SUDS3: variants seen among roughly 807,000 people sequenced by gnomAD.
The protein encoded by SUDS3 is SIN3A corepressor complex component SDS3.
A neutral mutation model predicts 53.5 loss-of-function variants in SUDS3; 23 were observed. The ratio of observed to expected loss-of-function variants is 0.43; its 90% CI spans 0.31 to 0.61. SUDS3 has a LOEUF of 0.61. SUDS3 is among the 20% of genes least tolerant of loss of function. The pLI is 0.10. For missense variants in SUDS3, 291 were observed against 405.9 expected, an observed-to-expected ratio of 0.72 and a Z score of 2.43; for synonymous variants, 150 against 148.5, an observed-to-expected ratio of 1.01 and a Z score of -0.08.
chr12:118,415,771 C>A lies in SUDS3; in HGVS notation c.*1338C>A, dbSNP rs1266829802. The A allele has an allele frequency of 6.7e-6, 1 of 149,646 alleles. No homozygotes were observed. The highest frequency in any genetic ancestry group is 2.4e-5 in the African/African-American group (1 of 41,288). The allele number at this position is 149,646 out of a possible 1,614,324, so 9.3% of individuals were successfully genotyped here. A position where few individuals can be genotyped will look rare whatever the true frequency, so the allele number is the denominator to read the frequency against. Reference sequence around the variant, plus strand: ...TCATGTTGTCTCTTGATGTACATACCCCCAAGCAAGTTGGGGGGACTGTGA... The same window carrying A: ...TCATGTTGTCTCTTGATGTACATACACCCAAGCAAGTTGGGGGGACTGTGA... On this transcript the variant is annotated 3_prime_UTR_variant, in exon 12 of 12. Transcript: ENST00000543473.
intron 10 of SUDS3, 63 bp downstream of exon 10, chr12:118,403,580 G>T: frequency 7.5e-7 from 1 of 1,332,310 alleles, no homozygotes; most frequent in Non-Finnish European, 1.1e-6. Flanking sequence ...AAGAGGGCTG[G>T]GGCTATTGTA....
At chr12:118,389,810 A>G (rs1200769116) in intron 4 of SUDS3, 117 bp from the exon 5 acceptor site, 13 of 1,252,862 alleles carry the variant, frequency 1.0e-5, no homozygotes, top group African/African-American at 1.5e-5. Flanking sequence ...TGATGAAAAC[A>G]TTTGCTTTGT....
intron 10 of SUDS3, among the ~76,000 whole-genome samples, chr12:118,408,090 G>A (rs763184752): frequency 6.6e-6 from 1 of 152,106 alleles, no homozygotes; most frequent in Admixed American, 6.5e-5. Context: ...TAGTACAGAC[G>A]GGGTTTCACC....
chr12:118,377,789 C>T (rs1405974478), intron 1 of SUDS3, among the ~76,000 whole-genome samples: 2 of 152,084 alleles, frequency 1.3e-5, no homozygotes, highest in Non-Finnish European at 2.9e-5. Context: ...CAAAATCGGG[C>T]CGTGGAGCAA....
chr12:118,381,387 A>T (rs2046057783), intron 2 of SUDS3, among the ~76,000 whole-genome samples: 1 of 139,420 alleles, frequency 7.2e-6, no homozygotes, highest in South Asian at 2.3e-4. Flanking sequence ...GTATTTATTT[A>T]TTTTTTTTGT....
intron 11 of SUDS3, among the ~76,000 whole-genome samples, chr12:118,411,982 G>T (rs1244724120): frequency 1.3e-5 from 2 of 152,234 alleles, no homozygotes; most frequent in African/African-American, 4.8e-5. Flanking sequence ...CACTAAGTGA[G>T]TGCTGGCCTG....
At chr12:118,383,614 C>T (rs549438288) in intron 2 of SUDS3, among the ~76,000 whole-genome samples, 7 of 152,228 alleles carry the variant, frequency 4.6e-5, no homozygotes, top group Non-Finnish European at 1.0e-4. Flanking sequence ...AAGGCATAAT[C>T]TTACTCTCCT....
intron 11 of SUDS3, among the ~76,000 whole-genome samples, chr12:118,413,753 G>A (rs1298887282): frequency 6.6e-6 from 1 of 152,210 alleles, no homozygotes; most frequent in African/African-American, 2.4e-5. Context: ...GTGAGAGGGG[G>A]ATATGGTGAG....
chr12:118,382,743 C>T (rs1411530745), intron 2 of SUDS3, among the ~76,000 whole-genome samples: 1 of 151,258 alleles, frequency 6.6e-6, no homozygotes, highest in African/African-American at 2.4e-5. Context: ...TCTCGGCTCA[C>T]TGCAACCTCC....
rs2046398343 is a variant in SUDS3, at chr12:118,416,073, T to C, written c.*1640T>C. On this transcript the variant is annotated 3_prime_UTR_variant, in exon 12 of 12. Coordinates refer to ENST00000543473, the MANE Select transcript of SUDS3 (RefSeq NM_022491.3). ...TGTTTACTACAGTGAACCCAGCCCA[T>C]GGTAAACACAGGCTTCACCTGTTCT... The C allele has an allele frequency of 6.6e-6, 1 of 152,154 alleles. No homozygotes were observed. The highest frequency in any genetic ancestry group is 2.1e-4 in the South Asian group (1 of 4,814). 9.4% of individuals were successfully genotyped at this position (152,154 alleles called of 1,614,324 possible).
intron 1 of SUDS3, among the ~76,000 whole-genome samples, chr12:118,379,730 A>G (rs1225082507): frequency 1.3e-5 from 2 of 152,174 alleles, no homozygotes; most frequent in Non-Finnish European, 2.9e-5. Flanking sequence ...AGTTGCCAGC[A>G]TTGTTGTTTC....
At chr12:118,409,749 C>T (rs556699844) in intron 10 of SUDS3, among the ~76,000 whole-genome samples, 22 of 152,348 alleles carry the variant, frequency 1.4e-4, no homozygotes, top group Admixed American at 1.3e-3. Flanking sequence ...TATTAATCGA[C>T]GTGGGGCTGG....
At chr12:118,384,746 T>C (rs2046098637) in intron 3 of SUDS3, among the ~76,000 whole-genome samples, 1 of 151,308 alleles carries the variant, frequency 6.6e-6, no homozygotes, top group South Asian at 2.1e-4. Context: ...GGCAGGAGAA[T>C]AGCGTGAACC....
At chr12:118,398,257 C>T (rs2046233662) in intron 6 of SUDS3, among the ~76,000 whole-genome samples, 1 of 152,190 alleles carries the variant, frequency 6.6e-6, no homozygotes. Context: ...ATTGATACTT[C>T]TATTCTCTAG....
At chr12:118,386,020 A>G (rs2046111632) in intron 3 of SUDS3, 94 bp from the exon 4 acceptor site, 1 of 957,620 alleles carries the variant, frequency 1.0e-6, no homozygotes, top group Non-Finnish European at 1.6e-6. Context: ...TTACTGAAAC[A>G]GTCAGTGTTG....
At chr12:118,399,764 C>T (rs1261372347) in intron 6 of SUDS3, among the ~76,000 whole-genome samples, 1 of 152,086 alleles carries the variant, frequency 6.6e-6, no homozygotes, top group African/African-American at 2.4e-5. Flanking sequence ...TTGGATGTCC[C>T]TGAGATACAG....
intron 10 of SUDS3, among the ~76,000 whole-genome samples, chr12:118,408,864 A>G (rs2046332475): frequency 6.6e-6 from 1 of 152,176 alleles, no homozygotes; most frequent in African/African-American, 2.4e-5. Flanking sequence ...CAGTCCCTTT[A>G]GAACAACTGT....
intron 10 of SUDS3, among the ~76,000 whole-genome samples, chr12:118,410,435 G>A (rs570208930): frequency 1.3e-5 from 2 of 152,122 alleles, no homozygotes; most frequent in East Asian, 3.9e-4. Context: ...CCAAAAAAAG[G>A]GAAAAATACA....
intron 2 of SUDS3, 105 bp downstream of exon 2, chr12:118,380,336 C>G: frequency 1.0e-5 from 10 of 978,974 alleles, no homozygotes; most frequent in Non-Finnish European, 1.5e-5. Flanking sequence ...AAATCTAAAA[C>G]TTCCTGAGTG....
Sources: allele counts gnomAD v4.1 joint callset (sites outside exome capture counted in the v4.1 genomes callset), GRCh38; gene constraint gnomAD v4.1.1; transcripts MANE v1.5; gene names NCBI Gene and HGNC (gene_info 2026-07-23, HGNC 2026-07-21).